The following BLOC1S5 variants were observed in gnomAD, a reference collection of about 807,000 sequenced individuals.
BLOC1S5 encodes the protein biogenesis of lysosomal organelles complex 1 subunit 5.
Under a neutral mutation model 24.3 loss-of-function variants are expected in BLOC1S5, and 27 were observed. That is an observed-to-expected ratio of 1.11 (90% confidence interval 0.82 to 1.53). BLOC1S5 has a LOEUF of 1.53. BLOC1S5 is among the 40% of genes most tolerant of loss of function. The pLI, the probability that BLOC1S5 is intolerant of heterozygous loss-of-function variation, is 0.00. For synonymous variants in BLOC1S5, 84 were observed against 74.5 expected (o/e 1.13, Z -0.66); for missense variants, 239 against 229.4 (o/e 1.04, Z -0.27).
Position 8,015,784 on chromosome 6 carries a change from G to A in BLOC1S5, c.429C>T (p.Leu143=). The A allele has an allele frequency of 1.2e-6, 2 of 1,614,020 alleles. No individual in the cohort carries two copies. Among genetic ancestry groups the A allele is most frequent in the South Asian group, 1.1e-5 (1 of 91,040 alleles). Residue 143 remains leucine, a synonymous_variant, in exon 5 of 5, where the codon CTC becomes CTT. Coordinates refer to ENST00000397457, the MANE Select transcript of BLOC1S5 (RefSeq NM_201280.3). ...HLVASEKQHM[L]QWDNFMKEQP... is the part of the protein sequence containing the mutation. ...GCTCCTTCATGAAGTTGTCCCACTG[G>A]AGCATATGCTGTTTCTCACTAGCTA...
chr6:8,026,828 T>C (rs1273862922), intron 3 of BLOC1S5, among the ~76,000 whole-genome samples: 1 of 152,214 alleles, frequency 6.6e-6, no homozygotes, highest in African/African-American at 2.4e-5. Context: ...CTCTGGACCA[T>C]CTCCATTAAG....
chr6:8,051,938 G>A (rs1270563065), intron 2 of BLOC1S5, among the ~76,000 whole-genome samples: 2 of 140,730 alleles, frequency 1.4e-5, no homozygotes, highest in Non-Finnish European at 3.1e-5. Flanking sequence ...GATGCGTGTT[G>A]TTATTATGTC....
intron 2 of BLOC1S5, among the ~76,000 whole-genome samples, chr6:8,055,183 G>A (rs964586694): frequency 6.6e-6 from 1 of 152,218 alleles, no homozygotes; most frequent in Non-Finnish European, 1.5e-5. Flanking sequence ...TGTAATCCCA[G>A]CACTTTGGGA....
chr6:8,059,503 C>T (rs1764443119), intron 2 of BLOC1S5, among the ~76,000 whole-genome samples: 1 of 152,192 alleles, frequency 6.6e-6, no homozygotes, highest in African/African-American at 2.4e-5. Context: ...AAAGATGAAA[C>T]TTCCAGGAGG....
intron 2 of BLOC1S5, among the ~76,000 whole-genome samples, chr6:8,047,199 C>CACACACAG (rs796826479): frequency 0.034 from 3,795 of 112,520 alleles, 85 homozygotes; most frequent in Non-Finnish European, 0.042. Context: ...CACACACACA[C>CACACACAG]AGTCAACAGT....
chr6:8,046,777 G>A (rs1413385702), intron 2 of BLOC1S5, among the ~76,000 whole-genome samples: 1 of 150,982 alleles, frequency 6.6e-6, no homozygotes. Context: ...TTTGTTTGCT[G>A]TTGTAGAGAC....
chr6:8,044,942 C>T (rs1366282690), intron 2 of BLOC1S5, among the ~76,000 whole-genome samples: 1 of 152,204 alleles, frequency 6.6e-6, no homozygotes, highest in Non-Finnish European at 1.5e-5. Context: ...ATTTCATTTT[C>T]TGAGGAGAAA....
intron 4 of BLOC1S5, among the ~76,000 whole-genome samples, chr6:8,021,993 A>T (rs1013381040): frequency 1.3e-5 from 2 of 152,150 alleles, no homozygotes; most frequent in African/African-American, 2.4e-5. Context: ...GCAGGCACAC[A>T]CTCACTGCTC....
rs553384948 is a variant in BLOC1S5 at position 8,058,951 on chromosome 6, T to A, written c.195+3583A>T. Reference sequence around the variant, plus strand: ...AATAACTGTTCCATAAAGCATTGCATGAATAAAGTTTGCTAAAAACTAAAT... The same window carrying A: ...AATAACTGTTCCATAAAGCATTGCAAGAATAAAGTTTGCTAAAAACTAAAT... On this transcript the variant is annotated intron_variant, in intron 2 of 4. Transcript: ENST00000397457. 2.0e-5 allele frequency among the ~76,000 whole-genome samples: 3 copies of A among 152,372 alleles called. No homozygotes were observed. In the South Asian group the frequency reaches 6.2e-4, roughly 32 times the overall value.
chr6:8,051,889 T>C (rs1426189250), intron 2 of BLOC1S5, among the ~76,000 whole-genome samples: 1 of 151,752 alleles, frequency 6.6e-6, no homozygotes, highest in Non-Finnish European at 1.5e-5. Context: ...CACTGCTCAA[T>C]GACAATACAC....
At chr6:8,051,295 C>T (rs1764098638) in intron 2 of BLOC1S5, among the ~76,000 whole-genome samples, 1 of 152,090 alleles carries the variant, frequency 6.6e-6, no homozygotes. Context: ...TGAAACCAGC[C>T]ACAACATTTT....
At chr6:8,022,921 C>T (rs372027846) in intron 4 of BLOC1S5, among the ~76,000 whole-genome samples, 5 of 152,174 alleles carry the variant, frequency 3.3e-5, no homozygotes, top group Non-Finnish European at 5.9e-5. Context: ...GCCATGTGAA[C>T]TTGTTGCTCT....
At chr6:8,051,494 C>T (rs551712766) in intron 2 of BLOC1S5, among the ~76,000 whole-genome samples, 14 of 152,236 alleles carry the variant, frequency 9.2e-5, no homozygotes, top group Non-Finnish European at 1.9e-4. Context: ...CTAACGTAGA[C>T]TGCAAGATCT....
chr6:8,016,823 G>A (rs1233470377), intron 4 of BLOC1S5, among the ~76,000 whole-genome samples: 1 of 144,046 alleles, frequency 6.9e-6, no homozygotes, highest in Non-Finnish European at 1.5e-5. Flanking sequence ...AGAGGTTGCA[G>A]TGAGATGAGC....
rs1255570563 is a variant in BLOC1S5 at position 8,014,986 on chromosome 6, G to C, written c.*663C>G. Reference sequence around the variant, plus strand: ...AAAAAGCTGAAAATAGTAAGTGCTGGAAGGCCACAAAACTTAACATGTGTC... The same window carrying C: ...AAAAAGCTGAAAATAGTAAGTGCTGCAAGGCCACAAAACTTAACATGTGTC... On this transcript the variant is annotated 3_prime_UTR_variant, in exon 5 of 5. Transcript: ENST00000397457. The C allele has an allele frequency of 6.5e-6, 1 of 152,684 alleles. No individual in the cohort carries two copies. The highest frequency in any genetic ancestry group is 1.9e-4 in the East Asian group (1 of 5,202). The allele number at this position is 152,684 out of a possible 1,614,324, so 9.5% of individuals were successfully genotyped here.
intron 3 of BLOC1S5, among the ~76,000 whole-genome samples, chr6:8,034,561 A>G (rs1009742322): frequency 4.1e-4 from 62 of 152,206 alleles, no homozygotes; most frequent in African/African-American, 1.4e-3. Flanking sequence ...CCAACATGGC[A>G]CATATATACC....
intron 2 of BLOC1S5, among the ~76,000 whole-genome samples, chr6:8,049,543 C>T (rs2113584356): frequency 6.6e-6 from 1 of 152,212 alleles, no homozygotes; most frequent in South Asian, 2.1e-4. Flanking sequence ...AAAACTATAT[C>T]TGTAAAACAA....
intron 4 of BLOC1S5, among the ~76,000 whole-genome samples, chr6:8,018,299 C>T (rs1762809628): frequency 6.6e-6 from 1 of 152,144 alleles, no homozygotes; most frequent in African/African-American, 2.4e-5. Context: ...AGAGAAAAGC[C>T]ACAGTCAGAC....
At chr6:8,020,605 G>T (rs1561854054) in intron 4 of BLOC1S5, among the ~76,000 whole-genome samples, 1 of 152,176 alleles carries the variant, frequency 6.6e-6, no homozygotes, top group African/African-American at 2.4e-5. Flanking sequence ...AAATCTGGAG[G>T]GAGAGCCCCT....
Sources: gnomAD v4.1 joint callset for allele counts (sites outside exome capture counted in the v4.1 genomes callset) on GRCh38, gnomAD v4.1.1 for gene constraint, MANE v1.5 for transcripts, NCBI Gene and HGNC (gene_info 2026-07-23, HGNC 2026-07-21) for gene names.